The following ZNF804A variants were observed in gnomAD, a reference collection of about 807,000 sequenced individuals.
ZNF804A encodes zinc finger protein 804A.
A neutral mutation model predicts 16.5 loss-of-function variants in ZNF804A; 2 were observed. That is an observed-to-expected ratio of 0.12 (90% CI 0.05 to 0.38). The LOEUF is 0.38. ZNF804A is among the 10% of genes least tolerant of loss of function. The pLI is 0.99. For synonymous variants in ZNF804A, 534 were observed against 489.6 expected, an observed-to-expected ratio of 1.09 and a Z score of -1.20; for missense variants, 1,473 against 1,390.7, an observed-to-expected ratio of 1.06 and a Z score of -0.94.
Position 184,669,468 on chromosome 2 carries a change from G to T in ZNF804A, c.111+70398G>T, listed in dbSNP as rs759713482. On this transcript the variant is annotated intron_variant, in intron 1 of 3. Coordinates refer to ENST00000302277, the MANE Select transcript of ZNF804A (RefSeq NM_194250.2). ...CAGTTTTCTCTTCATTTAATAATAC[G>T]TATTTCTTAAGTTAAAACATGAAAG... is the stretch of plus-strand genomic sequence containing the variant. Among the ~76,000 whole-genome samples the T allele has an allele frequency of 8.2e-4, 124 of 151,970 alleles. 1 individual carries two copies. Among genetic ancestry groups the T allele is most frequent in the Non-Finnish European group, 1.6e-3 (107 of 67,908 alleles).
chr2:184,651,321 C>A (rs1691979694), intron 1 of ZNF804A, among the ~76,000 whole-genome samples: 1 of 152,086 alleles, frequency 6.6e-6, no homozygotes, highest in Non-Finnish European at 1.5e-5. Flanking sequence ...AAATGTAAGA[C>A]CTCAAATTTT....
intron 1 of ZNF804A, among the ~76,000 whole-genome samples, chr2:184,736,312 C>T (rs548967126): frequency 8.2e-4 from 125 of 152,174 alleles, no homozygotes; most frequent in Middle Eastern, 3.4e-3. Context: ...ATTATTTGCT[C>T]TCTTTGATAT....
chr2:184,916,716 C>T (rs975473483), intron 2 of ZNF804A, among the ~76,000 whole-genome samples: 60 of 152,020 alleles, frequency 3.9e-4, no homozygotes, highest in African/African-American at 1.4e-3. Flanking sequence ...GGCATGGTGG[C>T]GTGTGCCTAT....
At chr2:184,709,722 C>T (rs1045151247) in intron 1 of ZNF804A, among the ~76,000 whole-genome samples, 11 of 151,010 alleles carry the variant, frequency 7.3e-5, no homozygotes, top group Non-Finnish European at 1.6e-4. Context: ...TTTGCATATA[C>T]TTTTTTAAAA....
At chr2:184,926,997 T>G (rs1477087672) in intron 2 of ZNF804A, among the ~76,000 whole-genome samples, 1 of 152,244 alleles carries the variant, frequency 6.6e-6, no homozygotes, top group Non-Finnish European at 1.5e-5. Flanking sequence ...TCTTCAAGAT[T>G]GGTCCATCAT....
At chr2:184,803,958 G>T (rs1694762802) in intron 1 of ZNF804A, among the ~76,000 whole-genome samples, 1 of 152,086 alleles carries the variant, frequency 6.6e-6, no homozygotes, top group Admixed American at 6.5e-5. Context: ...CGCCTCCCGG[G>T]TTCAAGTGAT....
rs559888635 is a variant in ZNF804A, at chr2:184,700,703, A to G, written c.111+101633A>G. On this transcript the variant is annotated intron_variant, in intron 1 of 3. Coordinates refer to ENST00000302277, the MANE Select transcript of ZNF804A (RefSeq NM_194250.2). ...ACTGATAGAAACTGACATGATAAAT[A>G]TATAGTGTAAATGGGGAAGAGGGCA... is the stretch of plus-strand genomic sequence containing the variant. Among the ~76,000 whole-genome samples the G allele has an allele frequency of 2.6e-5, 4 of 152,214 alleles. No homozygotes were observed. In the South Asian group the frequency reaches 6.2e-4, roughly 24 times the overall value.
At chr2:184,740,448 C>T (rs1298376462) in intron 1 of ZNF804A, among the ~76,000 whole-genome samples, 21 of 152,138 alleles carry the variant, frequency 1.4e-4, no homozygotes, top group African/African-American at 2.9e-4. Flanking sequence ...TTTCTGATGA[C>T]GCTGAAGAAC....
intron 2 of ZNF804A, among the ~76,000 whole-genome samples, chr2:184,904,081 A>G (rs1685231645): frequency 6.6e-6 from 1 of 152,078 alleles, no homozygotes; most frequent in Admixed American, 6.6e-5. Flanking sequence ...CTAACAACAA[A>G]CTACTCTAAA....
chr2:184,908,168 T>A (rs1409432115), intron 2 of ZNF804A, among the ~76,000 whole-genome samples: 1 of 152,170 alleles, frequency 6.6e-6, no homozygotes, highest in African/African-American at 2.4e-5. Context: ...AGCAGGATTA[T>A]GTTTTTTTCT....
intron 1 of ZNF804A, among the ~76,000 whole-genome samples, chr2:184,855,921 A>G (rs1228038772): frequency 1.3e-5 from 2 of 152,102 alleles, no homozygotes; most frequent in Admixed American, 6.6e-5. Flanking sequence ...ACAGACCTCC[A>G]GAGTCCATCA....
At chr2:184,828,836 C>G (rs1049307994) in intron 1 of ZNF804A, among the ~76,000 whole-genome samples, 1 of 151,684 alleles carries the variant, frequency 6.6e-6, no homozygotes, top group Non-Finnish European at 1.5e-5. Flanking sequence ...TAATTTGAGT[C>G]TAAAATCTGA....
At chr2:184,856,642 T>A (rs1415463283) in intron 1 of ZNF804A, among the ~76,000 whole-genome samples, 1 of 152,140 alleles carries the variant, frequency 6.6e-6, no homozygotes, top group Non-Finnish European at 1.5e-5. Flanking sequence ...CCACAGATCG[T>A]ACAGAAGTGG....
intron 1 of ZNF804A, among the ~76,000 whole-genome samples, chr2:184,836,154 G>C (rs539496574): frequency 1.3e-5 from 2 of 152,222 alleles, no homozygotes; most frequent in African/African-American, 4.8e-5. Context: ...CATGGTGCTT[G>C]GCACATGGTA....
rs191839544 is a variant in ZNF804A, at chr2:184,849,863, C to T, written c.112-16506C>T. ...GGATAAAGAAAATGGGGTTCATATGCACAATGGAATATTTTTCAGCCATAA... is the reference window on the plus strand; with the variant it reads ...GGATAAAGAAAATGGGGTTCATATGTACAATGGAATATTTTTCAGCCATAA... On this transcript the variant is annotated intron_variant, in intron 1 of 3. Coordinates refer to ENST00000302277, the MANE Select transcript of ZNF804A (RefSeq NM_194250.2). 2.0e-5 allele frequency among the ~76,000 whole-genome samples: 3 copies of T among 152,000 alleles called. No individual in the cohort carries two copies. In the East Asian group the frequency reaches 5.8e-4, roughly 29 times the overall value.
chr2:184,721,883 T>C (rs1391387295), intron 1 of ZNF804A, among the ~76,000 whole-genome samples: 1 of 152,108 alleles, frequency 6.6e-6, no homozygotes, highest in Non-Finnish European at 1.5e-5. Context: ...GTGATATATA[T>C]ACACAATGGA....
chr2:184,680,327 C>A (rs1692518394), intron 1 of ZNF804A, among the ~76,000 whole-genome samples: 1 of 152,178 alleles, frequency 6.6e-6, no homozygotes, highest in African/African-American at 2.4e-5. Context: ...CACTGTGGGT[C>A]TCCTCTCTGC....
rs1685788306 is a variant in ZNF804A at position 184,936,404 on chromosome 2, A to G, written c.1008A>G (p.Pro336=). 5 of 1,613,942 alleles carry G rather than the reference A, an allele frequency of 3.1e-6. No individual in the cohort carries two copies. The East Asian group carries it at 8.9e-5, about 29-fold the overall frequency. Residue 336 remains proline, a synonymous_variant, in exon 4 of 4, where the codon CCA becomes CCG. Transcript: ENST00000302277. ...QNSVPLADQI[P]LESVVINEDI... ...CAGTCCCATTAGCAGATCAAATACCACTAGAGAGTGTTGTTATTAATGAAG... is the reference window on the plus strand; with the variant it reads ...CAGTCCCATTAGCAGATCAAATACCGCTAGAGAGTGTTGTTATTAATGAAG...
chr2:184,911,706 T>G (rs985100821), intron 2 of ZNF804A, among the ~76,000 whole-genome samples: 1 of 151,960 alleles, frequency 6.6e-6, no homozygotes, highest in African/African-American at 2.4e-5. Flanking sequence ...TTAGACGTAT[T>G]CTTGGATATT....
Sources: allele counts gnomAD v4.1 joint callset (sites outside exome capture counted in the v4.1 genomes callset), GRCh38; gene constraint gnomAD v4.1.1; transcripts MANE v1.5; gene names NCBI Gene and HGNC (gene_info 2026-07-23, HGNC 2026-07-21).